The following MCTP1 variants were observed in gnomAD, a reference collection of about 807,000 sequenced individuals.
MCTP1 encodes multiple C2 and transmembrane domain containing 1, also known as multiple C2 and transmembrane domain-containing protein 1.
Under a neutral mutation model 120.6 loss-of-function variants are expected in MCTP1, and 69 were observed. The observed-to-expected ratio is 0.57, with a 90% confidence interval of 0.47 to 0.70. The LOEUF is 0.70. MCTP1 is among the 30% of genes least tolerant of loss of function. MCTP1 has a pLI of 0.00. For synonymous variants in MCTP1, 529 were observed against 493.1 expected, an observed-to-expected ratio of 1.07 and a Z score of -0.96; for missense variants, 1,203 against 1,248.8, an observed-to-expected ratio of 0.96 and a Z score of 0.55.
intron 17 of MCTP1, among the ~76,000 whole-genome samples, chr5:94,810,906 C>G (rs948358145): frequency 1.3e-5 from 2 of 152,138 alleles, no homozygotes; most frequent in Non-Finnish European, 2.9e-5. Context: ...ATCACAGAGC[C>G]AAAGTCAGAA....
intron 1 of MCTP1, among the ~76,000 whole-genome samples, chr5:95,178,285 G>T (rs1018782009): frequency 7.2e-5 from 11 of 152,206 alleles, no homozygotes; most frequent in African/African-American, 2.7e-4. Context: ...TGAAGACAAA[G>T]AACATAATCT....
intron 3 of MCTP1, among the ~76,000 whole-genome samples, chr5:94,943,604 G>A (rs1818235311): frequency 6.6e-6 from 1 of 152,066 alleles, no homozygotes; most frequent in African/African-American, 2.4e-5. Context: ...TGAGTAAACA[G>A]TGGTAAGCAA....
intron 1 of MCTP1, among the ~76,000 whole-genome samples, chr5:95,218,753 G>C (rs1753324822): frequency 6.6e-6 from 1 of 152,162 alleles, no homozygotes. Flanking sequence ...AATTGAGATG[G>C]AATAGCCTAC....
At chr5:94,759,266 C>T (rs952909582) in intron 19 of MCTP1, among the ~76,000 whole-genome samples, 2 of 152,096 alleles carry the variant, frequency 1.3e-5, no homozygotes, top group African/African-American at 4.8e-5. Context: ...GTTCTGGATA[C>T]CAGGTGTGTA....
intron 19 of MCTP1, among the ~76,000 whole-genome samples, chr5:94,743,328 AG>A (rs1371466590): frequency 1.3e-5 from 2 of 149,270 alleles, no homozygotes; most frequent in African/African-American, 4.9e-5. Flanking sequence ...AAAAAAAAAA[AG>A]AGAGTCTATG....
chr5:94,782,375 T>C (rs928931709), intron 18 of MCTP1, among the ~76,000 whole-genome samples: 2 of 152,088 alleles, frequency 1.3e-5, no homozygotes, highest in Admixed American at 1.3e-4. Context: ...AGATTCCAAA[T>C]TAAAATGATG....
At chr5:94,905,990 G>A (rs999237107) in intron 10 of MCTP1, among the ~76,000 whole-genome samples, 2 of 151,442 alleles carry the variant, frequency 1.3e-5, no homozygotes, top group South Asian at 2.1e-4. Flanking sequence ...AGGAGCATGC[G>A]GTGTCCTGGA....
chr5:95,177,013 C>T lies in MCTP1; in HGVS notation c.720+106843G>A, dbSNP rs759017139. 2.0e-3 allele frequency among the ~76,000 whole-genome samples: 304 copies of T among 151,442 alleles called. 3 individuals are homozygous for T. The highest frequency in any genetic ancestry group is 3.0e-3 in the Non-Finnish European group (204 of 67,838). ...CCGAGTAGCTGGGACTACAGGCGCC[C>T]GCCACCATGCCCAGCTAATTTGAGA... On this transcript the variant is annotated intron_variant, in intron 1 of 22. Transcript: ENST00000515393.
At chr5:94,966,346 C>T (rs961231225) in intron 2 of MCTP1, among the ~76,000 whole-genome samples, 7 of 152,136 alleles carry the variant, frequency 4.6e-5, no homozygotes, top group African/African-American at 1.7e-4. Flanking sequence ...TGCAATACTA[C>T]GTATAATACC....
At position 94,863,540 on chromosome 5, in the gene MCTP1, A is replaced by G. The variant is rs570869780; in HGVS notation, c.2436+4793T>C. On this transcript the variant is annotated intron_variant, in intron 17 of 22. Coordinates refer to ENST00000515393, the MANE Select transcript of MCTP1 (RefSeq NM_024717.7). The stretch of plus-strand genomic sequence containing the variant: ...TCATTGTGCCTTAATGTGAATATTA[A>G]GACTTAAACTACAGGTGATGTAGAC... 3.3e-5 allele frequency among the ~76,000 whole-genome samples: 5 copies of G among 152,018 alleles called. No individual in the cohort carries two copies. In the East Asian group the frequency reaches 9.7e-4, roughly 30 times the overall value.
intron 10 of MCTP1, among the ~76,000 whole-genome samples, chr5:94,899,645 A>G (rs1189958739): frequency 6.6e-6 from 1 of 152,202 alleles, no homozygotes; most frequent in African/African-American, 2.4e-5. Context: ...ACTGTGATCA[A>G]TGTAATAGGA....
intron 1 of MCTP1, among the ~76,000 whole-genome samples, chr5:95,270,236 C>T (rs942426667): frequency 2.0e-5 from 3 of 152,038 alleles, no homozygotes; most frequent in Non-Finnish European, 4.4e-5. Flanking sequence ...CTTCAGGCAG[C>T]CTATTCTGTA....
chr5:95,256,678 T>G (rs759062464), intron 1 of MCTP1, among the ~76,000 whole-genome samples: 1 of 152,180 alleles, frequency 6.6e-6, no homozygotes, highest in Non-Finnish European at 1.5e-5. Flanking sequence ...CAGAATTATG[T>G]TTTTCTGACT....
At chr5:94,829,973 T>C (rs1342638807) in intron 17 of MCTP1, among the ~76,000 whole-genome samples, 2 of 152,212 alleles carry the variant, frequency 1.3e-5, no homozygotes, top group African/African-American at 4.8e-5. Flanking sequence ...GCTTTGTGAG[T>C]GAGTAGCTCT....
chr5:95,028,795 T>A (rs1307615766), intron 1 of MCTP1, among the ~76,000 whole-genome samples: 1 of 152,206 alleles, frequency 6.6e-6, no homozygotes, highest in African/African-American at 2.4e-5. Flanking sequence ...AAAAATACTA[T>A]CCTGTCTGAT....
chr5:94,945,840 G>C (rs1453912095), intron 3 of MCTP1, among the ~76,000 whole-genome samples: 1 of 152,196 alleles, frequency 6.6e-6, no homozygotes, highest in East Asian at 1.9e-4. Context: ...CCATGATGAG[G>C]AAAGTGTCTT....
At chr5:94,897,918 G>A (rs1804506741) in intron 10 of MCTP1, among the ~76,000 whole-genome samples, 1 of 152,028 alleles carries the variant, frequency 6.6e-6, no homozygotes, top group African/African-American at 2.4e-5. Flanking sequence ...CAGTTTCCAA[G>A]TATGAAAATA....
intron 12 of MCTP1, among the ~76,000 whole-genome samples, chr5:94,878,116 T>A (rs1203098671): frequency 6.6e-6 from 1 of 152,164 alleles, no homozygotes; most frequent in African/African-American, 2.4e-5. Context: ...TATATTTTAA[T>A]CCTTTAAAAA....
chr5:95,164,685 T>A (rs1746119153), intron 1 of MCTP1, among the ~76,000 whole-genome samples: 1 of 152,218 alleles, frequency 6.6e-6, no homozygotes, highest in African/African-American at 2.4e-5. Flanking sequence ...ATGTTAAAAA[T>A]TATTTGCTAT....
Sources: gnomAD v4.1 joint callset for allele counts (sites outside exome capture counted in the v4.1 genomes callset) on GRCh38, gnomAD v4.1.1 for gene constraint, MANE v1.5 for transcripts, NCBI Gene and HGNC (gene_info 2026-07-23, HGNC 2026-07-21) for gene names.